ACSL5: variants seen among roughly 807,000 people sequenced by gnomAD.
The protein encoded by ACSL5 is acyl-CoA synthetase long chain family member 5.
In ACSL5, 50 loss-of-function variants were observed where a neutral mutation model predicts 84.9. The observed-to-expected ratio is 0.59, with a 90% CI of 0.47 to 0.75. ACSL5 has a LOEUF of 0.75. ACSL5 is among the 30% of genes least tolerant of loss of function. The pLI is 0.00. For synonymous variants in ACSL5, 280 were observed against 300.7 expected (o/e 0.93, Z 0.71); for missense variants, 775 against 830.4 (o/e 0.93, Z 0.82).
At chr10:112,398,561 T>C (rs1053275250) in intron 2 of ACSL5, among the ~76,000 whole-genome samples, 2 of 152,128 alleles carry the variant, frequency 1.3e-5, no homozygotes, top group Non-Finnish European at 2.9e-5. Context: ...TCTGCCGCCA[T>C]GCCTGGCTAA....
chr10:112,399,162 A>G (rs1047163066), intron 3 of ACSL5, among the ~76,000 whole-genome samples, 153 bp downstream of exon 3: 1 of 152,206 alleles, frequency 6.6e-6, no homozygotes, highest in Admixed American at 6.5e-5. Context: ...ATTAGAACAT[A>G]GTATTAGGAT....
chr10:112,411,613 CACACACACACACAT>C (rs1844179751), intron 10 of ACSL5, 84 bp downstream of exon 10: 4 of 1,022,540 alleles, frequency 3.9e-6, no homozygotes, highest in Non-Finnish European at 4.4e-6. Context: ...AGCAGGCAGA[CACACACACACACAT>C]ACACACACAC....
rs780932644 is a variant in ACSL5, at chr10:112,427,255, T to C, written c.1949T>C (p.Ile650Thr). ...TTTCTTCATCCAGAGCCATTTTCCA[T>C]TGAAAATGGGCTCTTGACACCAACA... The part of the protein sequence containing the change: ...AIFLHPEPFS[I>T]ENGLLTPTLK... Residue 650 changes from isoleucine (I) to threonine (T), a missense_variant, in exon 21 of 21, where the codon ATT becomes ACT. Ile to Thr is a moderately conservative substitution (Grantham distance 89). Coordinates refer to ENST00000354655, the MANE Select transcript of ACSL5 (RefSeq NM_203379.2). The C allele has an allele frequency of 7.4e-6, 12 of 1,613,572 alleles. No homozygotes were observed. Among genetic ancestry groups the C allele is most frequent in the Admixed American group, 1.7e-5 (1 of 59,878 alleles).
intron 3 of ACSL5, among the ~76,000 whole-genome samples, chr10:112,401,788 C>CT (rs768233186): frequency 3.3e-5 from 3 of 91,106 alleles, no homozygotes; most frequent in Non-Finnish European, 7.0e-5. Context: ...CTTTCTTTCT[C>CT]TTTCTTTCTT....
At chr10:112,395,991 C>T (rs1055803876) in intron 2 of ACSL5, 1 of 152,366 alleles carries the variant, frequency 6.6e-6, no homozygotes, top group African/African-American at 2.4e-5. Context: ...CATGCCTTTC[C>T]TTTCCCACCA....
At chr10:112,426,117 T>C (rs1000689173) in intron 18 of ACSL5, 141 bp from the exon 19 acceptor site, 23 of 616,754 alleles carry the variant, frequency 3.7e-5, no homozygotes, top group Admixed American at 3.6e-4. Context: ...AAATATATGG[T>C]GAGAAAAGAA....
chr10:112,399,046 A>G (rs1242460690), intron 3 of ACSL5, 37 bp downstream of exon 3: 11 of 1,548,332 alleles, frequency 7.1e-6, no homozygotes, highest in Non-Finnish European at 9.8e-6. Context: ...GAAGAAGACA[A>G]GGTGAGGTCT....
At chr10:112,402,780 C>T (rs1022387255) in intron 3 of ACSL5, among the ~76,000 whole-genome samples, 1 of 152,090 alleles carries the variant, frequency 6.6e-6, no homozygotes, top group Non-Finnish European at 1.5e-5. Flanking sequence ...ACCTGAATTC[C>T]TCTTAGCAGT....
intron 3 of ACSL5, among the ~76,000 whole-genome samples, chr10:112,399,342 C>T (rs1337146204): frequency 6.6e-6 from 1 of 152,146 alleles, no homozygotes; most frequent in Non-Finnish European, 1.5e-5. Context: ...TAATATAGGA[C>T]AGTATCTTTA....
intron 12 of ACSL5, among the ~76,000 whole-genome samples, 174 bp from the exon 13 acceptor site, chr10:112,416,714 T>A (rs951199020): frequency 1.3e-5 from 2 of 152,094 alleles, no homozygotes; most frequent in African/African-American, 4.8e-5. Flanking sequence ...GTTCACTTCT[T>A]TCTGAGCATG....
chr10:112,411,786 C>T (rs1276279180), intron 10 of ACSL5, 116 bp from the exon 11 acceptor site: 2 of 990,526 alleles, frequency 2.0e-6, no homozygotes, highest in African/African-American at 1.6e-5. Context: ...ACACAGTGTA[C>T]CGCCTATACA....
intron 1 of ACSL5, chr10:112,394,667 T>A (rs778664630): frequency 1.9e-5 from 16 of 863,548 alleles, no homozygotes; most frequent in Non-Finnish European, 7.0e-6. Context: ...TTTCCTTTGA[T>A]CCTCCCTGCT....
At chr10:112,377,982 A>T (rs1007985390) in intron 1 of ACSL5, among the ~76,000 whole-genome samples, 1 of 152,216 alleles carries the variant, frequency 6.6e-6, no homozygotes, top group African/African-American at 2.4e-5. Flanking sequence ...ATTTCAGCCT[A>T]GCCTGACCTA....
chr10:112,404,021 A>G (rs1385402476), intron 3 of ACSL5, among the ~76,000 whole-genome samples: 1 of 152,224 alleles, frequency 6.6e-6, no homozygotes, highest in East Asian at 1.9e-4. Flanking sequence ...CTGTCAAACT[A>G]TGCAAAAGGG....
At chr10:112,391,414 C>T (rs1843635198) in intron 1 of ACSL5, among the ~76,000 whole-genome samples, 2 of 151,998 alleles carry the variant, frequency 1.3e-5, no homozygotes, top group Non-Finnish European at 2.9e-5. Context: ...ATTCTGTGCA[C>T]CTCCTACTTG....
chr10:112,410,176 A>G (rs1276575250), intron 7 of ACSL5: 1 of 1,419,650 alleles, frequency 7.0e-7, no homozygotes, highest in African/African-American at 1.4e-5. Flanking sequence ...CATTTCTTTC[A>G]AAAAAGATTT....
Position 112,400,716 on chromosome 10 carries a change from T to C in ACSL5, c.265+1707T>C, listed in dbSNP as rs115987226. Among the ~76,000 whole-genome samples, 333 of 152,118 alleles carry C rather than the reference T, an allele frequency of 2.2e-3. 3 individuals carry two copies. The highest frequency in any genetic ancestry group is 7.5e-3 in the African/African-American group (310 of 41,510). ...GCCACCATGCCCGGCCTACACCTGG[T>C]TAATTTTTTTAATTTTTTGTAGAGA... On this transcript the variant is annotated intron_variant, in intron 3 of 20. Coordinates refer to ENST00000354655, the MANE Select transcript of ACSL5 (RefSeq NM_203379.2).
chr10:112,394,805 C>G (rs577656785), intron 1 of ACSL5, 113 bp from the exon 2 acceptor site: 2 of 1,506,556 alleles, frequency 1.3e-6, no homozygotes, highest in African/African-American at 1.4e-5. Flanking sequence ...TGAAGGCGTG[C>G]GCGCGTGTGT....
intron 2 of ACSL5, among the ~76,000 whole-genome samples, chr10:112,398,694 C>T (rs1167588871): frequency 6.6e-6 from 1 of 152,170 alleles, no homozygotes; most frequent in Admixed American, 6.5e-5. Context: ...CGTGAGCCAC[C>T]GAGCCCAGCC....
Sources: allele counts gnomAD v4.1 joint callset (sites outside exome capture counted in the v4.1 genomes callset), GRCh38; gene constraint gnomAD v4.1.1; transcripts MANE v1.5; gene names NCBI Gene and HGNC (gene_info 2026-07-23, HGNC 2026-07-21).